Variants in NTM observed in about 807,000 individuals in gnomAD.
NTM encodes neurotrimin, also known as IgLON family member 2.
In NTM, 13 loss-of-function variants were observed where a neutral mutation model predicts 42.1. That is an observed-to-expected ratio of 0.31 (90% CI 0.20 to 0.49). The LOEUF (loss-of-function observed/expected upper bound fraction) is 0.49. NTM is among the 20% of genes least tolerant of loss of function. NTM has a pLI of 0.99. For synonymous variants in NTM, 187 were observed against 179.2 expected (o/e 1.04, Z -0.35); for missense variants, 373 against 452.8 (o/e 0.82, Z 1.60).
At chr11:132,040,485 A>T (rs573173596) in intron 2 of NTM, among the ~76,000 whole-genome samples, 4 of 152,322 alleles carry the variant, frequency 2.6e-5, no homozygotes, top group Admixed American at 2.0e-4. Flanking sequence ...ACCTGAAGGC[A>T]TTTCTTATTT....
intron 1 of NTM, among the ~76,000 whole-genome samples, chr11:131,821,631 G>A (rs1484109523): frequency 1.3e-5 from 2 of 152,220 alleles, no homozygotes; most frequent in Admixed American, 6.5e-5. Flanking sequence ...CAAGCACAAT[G>A]TTTAATACTC....
At chr11:131,789,648 G>GA (rs1317485422) in intron 1 of NTM, among the ~76,000 whole-genome samples, 4 of 134,966 alleles carry the variant, frequency 3.0e-5, no homozygotes, top group Non-Finnish European at 4.8e-5. Context: ...AGAAGAAGAA[G>GA]AAGAAGAAGA....
chr11:131,699,690 C>T (rs1023992748), intron 1 of NTM, among the ~76,000 whole-genome samples: 6 of 152,060 alleles, frequency 3.9e-5, no homozygotes, highest in African/African-American at 1.4e-4. Context: ...ACGCGTCCTC[C>T]TTCACATGAA....
intron 1 of NTM, among the ~76,000 whole-genome samples, chr11:131,601,939 G>A (rs1015877187): frequency 2.6e-5 from 4 of 152,138 alleles, no homozygotes; most frequent in Non-Finnish European, 4.4e-5. Context: ...TGAAGCAACA[G>A]GCACCTAAAC....
At chr11:131,581,291 T>G (rs1014021828) in intron 1 of NTM, among the ~76,000 whole-genome samples, 2 of 152,170 alleles carry the variant, frequency 1.3e-5, no homozygotes, top group African/African-American at 4.8e-5. Flanking sequence ...ATACTGTTCT[T>G]TTCCTCGGTC....
At chr11:131,813,590 A>T (rs2092827110) in intron 1 of NTM, among the ~76,000 whole-genome samples, 1 of 152,190 alleles carries the variant, frequency 6.6e-6, no homozygotes, top group East Asian at 1.9e-4. Flanking sequence ...CCATAGGTAG[A>T]TGTTACAGAT....
chr11:131,983,237 G>A (rs1251032650), intron 2 of NTM, among the ~76,000 whole-genome samples: 2 of 152,040 alleles, frequency 1.3e-5, no homozygotes, highest in Non-Finnish European at 2.9e-5. Flanking sequence ...GGCATTTGTG[G>A]CATCACAAAA....
intron 1 of NTM, among the ~76,000 whole-genome samples, chr11:131,723,182 C>T (rs780906273): frequency 1.3e-5 from 2 of 152,224 alleles, no homozygotes; most frequent in Non-Finnish European, 2.9e-5. Context: ...AGTTATGAAG[C>T]ATTATCTCTG....
chr11:132,307,858 C>T, intron 5 of NTM, 35 bp downstream of exon 5: 2 of 1,602,958 alleles, frequency 1.2e-6, no homozygotes, highest in Non-Finnish European at 1.7e-6. Context: ...CCTGCACGTG[C>T]ATCAGGCTGG....
intron 2 of NTM, among the ~76,000 whole-genome samples, chr11:131,924,092 A>C (rs2057608831): frequency 1.3e-5 from 2 of 152,160 alleles, no homozygotes; most frequent in Non-Finnish European, 2.9e-5. Context: ...GGCAGGGTGT[A>C]CCTCTCGTGA....
intron 1 of NTM, among the ~76,000 whole-genome samples, chr11:131,720,246 G>A (rs1412933270): frequency 2.6e-5 from 4 of 152,174 alleles, no homozygotes; most frequent in African/African-American, 9.6e-5. Context: ...TGATAAAATG[G>A]TCTCAAATTT....
chr11:131,880,192 G>A (rs2049248522), intron 1 of NTM, among the ~76,000 whole-genome samples: 1 of 152,146 alleles, frequency 6.6e-6, no homozygotes, highest in African/African-American at 2.4e-5. Flanking sequence ...ATCGAACCAA[G>A]AAGACTAGTT....
chr11:131,649,033 C>G (rs117012305), intron 1 of NTM, among the ~76,000 whole-genome samples: 6 of 152,262 alleles, frequency 3.9e-5, no homozygotes, highest in African/African-American at 1.2e-4. Context: ...ATGTTGTGCC[C>G]GTGTTTTCCC....
At chr11:132,114,708 C>G (rs1340985452) in intron 2 of NTM, among the ~76,000 whole-genome samples, 1 of 152,184 alleles carries the variant, frequency 6.6e-6, no homozygotes, top group Non-Finnish European at 1.5e-5. Context: ...TGGAGATCAT[C>G]AAGTTTAGCC....
At chr11:131,836,420 T>G (rs984301976) in intron 1 of NTM, among the ~76,000 whole-genome samples, 6 of 152,224 alleles carry the variant, frequency 3.9e-5, no homozygotes, top group African/African-American at 9.6e-5. Context: ...AATTCTCATT[T>G]GTATATGTAA....
intron 1 of NTM, among the ~76,000 whole-genome samples, chr11:131,458,495 T>C (rs900106855): frequency 2.0e-5 from 3 of 152,104 alleles, no homozygotes; most frequent in African/African-American, 7.2e-5. Flanking sequence ...CTGTTCTCAT[T>C]TACCTTCCCT....
At chr11:132,040,081 A>G (rs1322468441) in intron 2 of NTM, among the ~76,000 whole-genome samples, 1 of 145,594 alleles carries the variant, frequency 6.9e-6, no homozygotes, top group Non-Finnish European at 1.5e-5. Context: ...GATGCATGCT[A>G]CCACGTCCAG....
At chr11:131,955,321 C>T (rs1289899636) in intron 2 of NTM, among the ~76,000 whole-genome samples, 1 of 152,058 alleles carries the variant, frequency 6.6e-6, no homozygotes, top group Non-Finnish European at 1.5e-5. Context: ...TTGAAATTTT[C>T]CCCAGATGTT....
intron 1 of NTM, among the ~76,000 whole-genome samples, chr11:131,728,787 C>T (rs1230602164): frequency 2.6e-5 from 4 of 152,042 alleles, no homozygotes; most frequent in East Asian, 1.9e-4. Flanking sequence ...TAGGGCTGAA[C>T]GTCCCAACTC....
Sources: allele counts gnomAD v4.1 joint callset (sites outside exome capture counted in the v4.1 genomes callset), GRCh38; gene constraint gnomAD v4.1.1; transcripts MANE v1.5; gene names NCBI Gene and HGNC (gene_info 2026-07-23, HGNC 2026-07-21).